The following ELAVL4 variants were observed in gnomAD, a reference collection of about 807,000 sequenced individuals.
The protein encoded by ELAVL4 is ELAV-like protein 4.
ELAVL4 carries 1 observed loss-of-function variant against 35.6 expected under a neutral mutation model. The ratio of observed to expected loss-of-function variants is 0.03; its 90% CI spans 0.01 to 0.13. The LOEUF (loss-of-function observed/expected upper bound fraction) is 0.13, where lower values mean the gene tolerates loss of function less well. Among genes scored for constraint, ELAVL4 ranks in the 10% least tolerant of loss-of-function variants. The probability of loss-of-function intolerance (pLI) is 1.00; values close to 1 mark genes in which losing one functional copy is unlikely to be tolerated. For missense variants in ELAVL4, 267 were observed against 464.9 expected (o/e 0.57, Z 3.91); for synonymous variants, 156 against 171.0 (o/e 0.91, Z 0.69).
intron 2 of ELAVL4, among the ~76,000 whole-genome samples, chr1:50,149,765 A>G (rs920868585): frequency 1.3e-5 from 2 of 151,910 alleles, no homozygotes; most frequent in Admixed American, 6.6e-5. Context: ...GCTGGTCTCA[A>G]ACTCCTGACC....
At chr1:50,198,201 G>T (rs559115142) in intron 6 of ELAVL4, among the ~76,000 whole-genome samples, 1 of 152,284 alleles carries the variant, frequency 6.6e-6, no homozygotes, top group South Asian at 2.1e-4. Context: ...GGCTTTTGGG[G>T]CTCTCTGAAT....
At chr1:50,073,552 C>T (rs1003782713) in intron 1 of ELAVL4, among the ~76,000 whole-genome samples, 1 of 151,718 alleles carries the variant, frequency 6.6e-6, no homozygotes, top group Admixed American at 6.6e-5. Context: ...CTTTGCAAAA[C>T]CATTTCAATG....
intron 4 of ELAVL4, among the ~76,000 whole-genome samples, chr1:50,195,172 T>C (rs1643961727): frequency 1.3e-5 from 2 of 152,214 alleles, no homozygotes; most frequent in African/African-American, 2.4e-5. Context: ...TTTTAAAGCA[T>C]ATCATGTGGT....
At chr1:50,095,149 G>A (rs1414376791) in intron 1 of ELAVL4, among the ~76,000 whole-genome samples, 2 of 152,138 alleles carry the variant, frequency 1.3e-5, no homozygotes, top group African/African-American at 2.4e-5. Context: ...GAAGTGCTCA[G>A]GGACTTGCCT....
intron 1 of ELAVL4, among the ~76,000 whole-genome samples, chr1:50,136,048 A>T (rs1396703829): frequency 6.6e-6 from 1 of 152,184 alleles, no homozygotes; most frequent in Non-Finnish European, 1.5e-5. Context: ...AAAAATATTA[A>T]CCTGAAGGGA....
At chr1:50,110,402 T>C (rs993018644) in intron 1 of ELAVL4, among the ~76,000 whole-genome samples, 6 of 152,100 alleles carry the variant, frequency 3.9e-5, no homozygotes, top group Admixed American at 3.9e-4. Flanking sequence ...GGAGGTGAGA[T>C]TCAGTACCAG....
intron 1 of ELAVL4, among the ~76,000 whole-genome samples, chr1:50,057,452 C>A (rs1663737823): frequency 6.6e-6 from 1 of 152,114 alleles, no homozygotes. Context: ...ATGTCCTAGG[C>A]CTTCGTATTC....
At chr1:50,067,587 T>C (rs1469425927) in intron 1 of ELAVL4, among the ~76,000 whole-genome samples, 1 of 152,236 alleles carries the variant, frequency 6.6e-6, no homozygotes, top group African/African-American at 2.4e-5. Context: ...TTCTGTCATT[T>C]ATTTATTCTG....
intron 3 of ELAVL4, among the ~76,000 whole-genome samples, chr1:50,177,404 A>T (rs1406196745): frequency 1.3e-5 from 2 of 152,142 alleles, no homozygotes; most frequent in African/African-American, 4.8e-5. Flanking sequence ...AAGCTGTGAG[A>T]CCTCCAATTA....
At chr1:50,193,370 T>TG (rs1438020530) in intron 3 of ELAVL4, among the ~76,000 whole-genome samples, 4 of 150,752 alleles carry the variant, frequency 2.7e-5, no homozygotes, top group Non-Finnish European at 5.9e-5. Flanking sequence ...CATGAGGTTT[T>TG]TTTTTTTTTT....
Position 50,151,903 on chromosome 1 carries a change from G to A in ELAVL4, c.250+6706G>A, listed in dbSNP as rs535745510. 5.6e-4 allele frequency among the ~76,000 whole-genome samples: 85 copies of A among 152,300 alleles called. 1 individual carries two copies. Among genetic ancestry groups the A allele is most frequent in the African/African-American group, 1.9e-3 (79 of 41,566 alleles). ...GAAGATTTGGCAGCCTAATGGGGTT[G>A]CAAAACAGGAGAATTGGAGTCTGCC... On this transcript the variant is annotated intron_variant, in intron 2 of 6. Coordinates refer to ENST00000371824, the MANE Select transcript of ELAVL4 (RefSeq NM_001144774.3).
chr1:50,148,016 G>A (rs147879003), intron 2 of ELAVL4, among the ~76,000 whole-genome samples: 335 of 152,290 alleles, frequency 2.2e-3, no homozygotes, highest in African/African-American at 7.7e-3. Context: ...GAAGAAATTT[G>A]GTCATGGAGT....
In ELAVL4 at chr1:50,109,016, C is replaced by CGGGGGGCCG; in HGVS notation, c.-174_-173insGGGGGGCCG. On this transcript the variant is annotated 5_prime_UTR_variant, in exon 1 of 7. Transcript: ENST00000371824. ...CTCCTTTTCTTTTTTTTCTTTCTCTCCCCCGCCCACCCCCCCAAAAATAAT... is the reference window on the plus strand; with the variant it reads ...CTCCTTTTCTTTTTTTTCTTTCTCTCGGGGGGCCGCCCCGCCCACCCCCCCAAAAATAAT... The CGGGGGGCCG allele has an allele frequency of 4.4e-6, 4 of 905,722 alleles. No homozygotes were observed. Among genetic ancestry groups the CGGGGGGCCG allele is most frequent in the Non-Finnish European group, 5.3e-6 (4 of 761,340 alleles). 56.1% of individuals were successfully genotyped at this position (905,722 alleles called of 1,614,324 possible).
chr1:50,197,498 C>A, intron 6 of ELAVL4, 31 bp downstream of exon 6: 1 of 1,551,920 alleles, frequency 6.4e-7, no homozygotes, highest in South Asian at 1.3e-5. Context: ...TGCCAGATGT[C>A]CATGTTGGCA....
chr1:50,067,349 T>C (rs550877082), intron 1 of ELAVL4, among the ~76,000 whole-genome samples: 217 of 152,278 alleles, frequency 1.4e-3, no homozygotes, highest in Non-Finnish European at 2.5e-3. Flanking sequence ...GAGGAACAAG[T>C]AGGGAACCAT....
intron 3 of ELAVL4, among the ~76,000 whole-genome samples, chr1:50,183,153 C>G (rs947864970): frequency 6.6e-5 from 10 of 152,108 alleles, no homozygotes; most frequent in Non-Finnish European, 8.8e-5. Flanking sequence ...CCACTGCGCC[C>G]GGCCGATTTC....
upstream of ELAVL4, chr1:50,104,143 T>C (rs1666134667): frequency 4.7e-6 from 4 of 857,230 alleles, no homozygotes; most frequent in Admixed American, 2.0e-5. Flanking sequence ...TGCAGCTTCA[T>C]ACAGTAGTGG....
In ELAVL4 at chr1:50,109,091, A is replaced by G; in HGVS notation, c.-99A>G. Reference sequence around the variant, plus strand: ...CTGTGTTTTGTGGATCTTTAATTATATATAACAATAGTAGTCATTTTAAAT... The same window carrying G: ...CTGTGTTTTGTGGATCTTTAATTATGTATAACAATAGTAGTCATTTTAAAT... On this transcript the variant is annotated 5_prime_UTR_variant, in exon 1 of 7. It adds an upstream start codon to the 5' untranslated region. Coordinates refer to ENST00000371824, the MANE Select transcript of ELAVL4 (RefSeq NM_001144774.3). 4 of 1,206,282 alleles carry G rather than the reference A, an allele frequency of 3.3e-6. No homozygotes were observed. In the South Asian group the frequency reaches 7.1e-5, roughly 21 times the overall value. The allele number at this position is 1,206,282 out of a possible 1,614,324, so 74.7% of individuals were successfully genotyped here. A position where few individuals can be genotyped will look rare whatever the true frequency, so the allele number is the denominator to read the frequency against.
chr1:50,189,376 G>A (rs952863527), intron 3 of ELAVL4, among the ~76,000 whole-genome samples: 1 of 152,252 alleles, frequency 6.6e-6, no homozygotes, highest in Non-Finnish European at 1.5e-5. Context: ...CCCCATCTGT[G>A]ATGAATGACA....
Sources: allele counts gnomAD v4.1 joint callset (sites outside exome capture counted in the v4.1 genomes callset), GRCh38; gene constraint gnomAD v4.1.1; transcripts MANE v1.5; gene names NCBI Gene and HGNC (gene_info 2026-07-23, HGNC 2026-07-21).